The following DNAH17 variants were observed in gnomAD, a reference collection of about 807,000 sequenced individuals.
DNAH17 encodes axonemal beta dynein heavy chain 17.
In DNAH17, 376 loss-of-function variants were observed where a neutral mutation model predicts 485.6. The observed-to-expected ratio is 0.77, with a 90% CI of 0.71 to 0.84. DNAH17 has a LOEUF of 0.84. Among genes scored for constraint, DNAH17 ranks in the 40% least tolerant of loss-of-function variants. The pLI is 0.00. For missense variants in DNAH17, 6,370 were observed against 5,839.3 expected, an observed-to-expected ratio of 1.09 and a Z score of -2.96; for synonymous variants, 3,031 against 2,405.9, an observed-to-expected ratio of 1.26 and a Z score of -7.60.
At chr17:78,470,672 G>A (rs1420906927) in intron 54 of DNAH17, among the ~76,000 whole-genome samples, 1 of 152,186 alleles carries the variant, frequency 6.6e-6, no homozygotes. Flanking sequence ...CTGGGCAACA[G>A]AGTGAGACTC....
chr17:78,553,968 T>C (rs1345196949), intron 14 of DNAH17, among the ~76,000 whole-genome samples: 1 of 152,136 alleles, frequency 6.6e-6, no homozygotes, highest in Non-Finnish European at 1.5e-5. Flanking sequence ...CAAAATCTTT[T>C]TTTTAATATA....
chr17:78,559,339 C>A (rs1333857654), intron 13 of DNAH17, among the ~76,000 whole-genome samples: 1 of 152,236 alleles, frequency 6.6e-6, no homozygotes, highest in Admixed American at 6.5e-5. Flanking sequence ...AGCAGCCCAT[C>A]CTCCCCTGTG....
At chr17:78,451,363 C>T (rs935223237) in intron 66 of DNAH17, 106 bp downstream of exon 66, 63 of 1,047,708 alleles carry the variant, frequency 6.0e-5, no homozygotes, top group African/African-American at 5.2e-4. Flanking sequence ...AGAGAAGCAA[C>T]GACACACACT....
chr17:78,539,664 A>C (rs2091468617), intron 18 of DNAH17, 73 bp downstream of exon 18: 1 of 1,276,612 alleles, frequency 7.8e-7, no homozygotes. Flanking sequence ...GTTCATCAAG[A>C]AACTAGAAAC....
intron 25 of DNAH17, among the ~76,000 whole-genome samples, chr17:78,520,114 G>A (rs1324310253): frequency 6.6e-6 from 1 of 150,602 alleles, no homozygotes; most frequent in South Asian, 2.1e-4. Flanking sequence ...TCTGTTTCAA[G>A]AAAAAAAAAG....
intron 19 of DNAH17, among the ~76,000 whole-genome samples, chr17:78,533,237 G>C (rs1254885610): frequency 6.6e-6 from 1 of 152,166 alleles, no homozygotes; most frequent in Non-Finnish European, 1.5e-5. Flanking sequence ...GCACAGGCAG[G>C]GAGTGTACAG....
chr17:78,561,429 A>C (rs1056232008), intron 12 of DNAH17, among the ~76,000 whole-genome samples: 1 of 151,934 alleles, frequency 6.6e-6, no homozygotes, highest in Non-Finnish European at 1.5e-5. Flanking sequence ...ACAGTGGCTC[A>C]GTCAGCTGCA....
intron 25 of DNAH17, among the ~76,000 whole-genome samples, chr17:78,516,629 G>A (rs143168261): frequency 0.047 from 7,057 of 150,678 alleles, 229 homozygotes; most frequent in Middle Eastern, 0.09. Flanking sequence ...GGCAGAGGTT[G>A]CAGCGAGTGG....
At chr17:78,529,413 C>T (rs1032185939) in intron 22 of DNAH17, 59 bp downstream of exon 22, 14 of 1,556,342 alleles carry the variant, frequency 9.0e-6, no homozygotes, top group Non-Finnish European at 1.2e-5. Flanking sequence ...GGTCCATGGT[C>T]GCGGCCGGGA....
chr17:78,439,142 G>T lies in DNAH17; in HGVS notation c.11753C>A (p.Ala3918Asp). Residue 3918 changes from alanine to aspartate, a missense_variant, in exon 73 of 81, where the codon GCT becomes GAT. Coordinates refer to ENST00000389840, the MANE Select transcript of DNAH17 (RefSeq NM_173628.4). ...TGCAGCCACGTCCAGGGCGTTCTCAGCCACCACCTCTTGTCCCTGCCCCAG... is the reference window on the plus strand; with the variant it reads ...TGCAGCCACGTCCAGGGCGTTCTCATCCACCACCTCTTGTCCCTGCCCCAG... Reference protein sequence around the residue: ...VSLGQGQEVVAENALDVAAEK... With the variant: ...VSLGQGQEVVDENALDVAAEK... 2 of 1,613,624 alleles carry T rather than the reference G, an allele frequency of 1.2e-6. No individual in the cohort carries two copies. The highest frequency in any genetic ancestry group is 2.2e-5 in the South Asian group (2 of 91,072).
intron 56 of DNAH17, among the ~76,000 whole-genome samples, chr17:78,464,312 T>G (rs2088302136): frequency 6.6e-6 from 1 of 152,138 alleles, no homozygotes; most frequent in Non-Finnish European, 1.5e-5. Flanking sequence ...CAGGCTAGAG[T>G]GCAGTGGCAC....
At chr17:78,560,484 C>G (rs545533573) in intron 13 of DNAH17, among the ~76,000 whole-genome samples, 3 of 152,042 alleles carry the variant, frequency 2.0e-5, no homozygotes, top group Admixed American at 6.6e-5. Flanking sequence ...CTTTTTCCCC[C>G]CCCCCAGTTT....
chr17:78,446,337 C>G (rs2087299273), intron 69 of DNAH17, among the ~76,000 whole-genome samples: 1 of 152,086 alleles, frequency 6.6e-6, no homozygotes, highest in Non-Finnish European at 1.5e-5. Context: ...TCCCCATCGC[C>G]CCTTGCCTCT....
At chr17:78,542,181 C>T (rs188804043) in intron 17 of DNAH17, among the ~76,000 whole-genome samples, 1 of 146,876 alleles carries the variant, frequency 6.8e-6, no homozygotes, top group Admixed American at 6.9e-5. Context: ...GAGTCTCACT[C>T]TTGTCGCCCA....
chr17:78,477,599 G>A (rs552286460), intron 51 of DNAH17, among the ~76,000 whole-genome samples: 1 of 152,132 alleles, frequency 6.6e-6, no homozygotes, highest in South Asian at 2.1e-4. Flanking sequence ...GGCTGGTCTC[G>A]AACTCCTGAC....
chr17:78,494,563 C>T (rs781313442), intron 40 of DNAH17, 30 bp downstream of exon 40: 47 of 1,607,210 alleles, frequency 2.9e-5, no homozygotes, highest in African/African-American at 9.4e-5. Context: ...CAGGCTTCTC[C>T]GGACAGACCT....
intron 75 of DNAH17, among the ~76,000 whole-genome samples, chr17:78,430,305 T>C (rs1008326305): frequency 4.0e-5 from 6 of 148,170 alleles, no homozygotes; most frequent in African/African-American, 1.2e-4. Context: ...CAACATGTAA[T>C]TGGGATAAAA....
In DNAH17 at chr17:78,506,652, T is replaced by C. The variant is rs11077378; in HGVS notation, c.4803+68A>G. The C allele has an allele frequency of 0.41, 656,821 of 1,605,892 alleles. 138,411 individuals are homozygous for C. The highest frequency in any genetic ancestry group is 0.49 in the African/African-American group (36,391 of 74,754). On this transcript the variant is annotated intron_variant, in intron 30 of 80. Transcript: ENST00000389840. ...TTACCCCACCCTAGGGCGGTTGAGGTAGAGGTGCCCACCTGGGGTCTGGCA... is the reference window on the plus strand; with the variant it reads ...TTACCCCACCCTAGGGCGGTTGAGGCAGAGGTGCCCACCTGGGGTCTGGCA...
rs115712704 is a variant in DNAH17 at position 78,462,862 on chromosome 17, C to T, written c.9156G>A (p.Leu3052=). 1.0e-3 allele frequency: 1,675 copies of T among 1,613,942 alleles called. 12 individuals are homozygous for T. In the African/African-American group the frequency reaches 0.018, roughly 17 times the overall value. Reference sequence around the variant, plus strand: ...CTCCTACCTGGGAAGCCGTGCTCTGCAGCTTCATCAGGCCGTTCTCCAGCC... The same window carrying T: ...CTCCTACCTGGGAAGCCGTGCTCTGTAGCTTCATCAGGCCGTTCTCCAGCC... ...IERLENGLMK[L]QSTASQVDDL... The change falls in exon 57 of 81, where the codon CTG becomes CTA. Residue 3052 remains leucine, a synonymous_variant. Coordinates refer to ENST00000389840, the MANE Select transcript of DNAH17 (RefSeq NM_173628.4).
Sources: gnomAD v4.1 joint callset for allele counts (sites outside exome capture counted in the v4.1 genomes callset) on GRCh38, gnomAD v4.1.1 for gene constraint, MANE v1.5 for transcripts, NCBI Gene and HGNC (gene_info 2026-07-23, HGNC 2026-07-21) for gene names.